The following IGF2 variants were observed in gnomAD, a reference collection of about 807,000 sequenced individuals.
IGF2 encodes the protein insulin-like growth factor 2.
Under a neutral mutation model 12.0 loss-of-function variants are expected in IGF2, and 2 were observed. That is an observed-to-expected ratio of 0.17 (90% CI 0.07 to 0.52). The LOEUF (loss-of-function observed/expected upper bound fraction) is 0.52. Among genes scored for constraint, IGF2 ranks in the 20% least tolerant of loss-of-function variants. The pLI is 0.95. For missense variants in IGF2, 211 were observed against 268.0 expected (o/e 0.79, Z 1.48); for synonymous variants, 105 against 110.1 (o/e 0.95, Z 0.29).
At position 2,132,070 on chromosome 11, in the gene IGF2, C is replaced by CTGTGCTCGTGTGTGTGT; in HGVS notation, c.*916_*917insACACACACACGAGCACA. The CTGTGCTCGTGTGTGTGT allele has an allele frequency of 5.0e-6, 1 of 200,530 alleles. No individual in the cohort carries two copies. Among genetic ancestry groups the CTGTGCTCGTGTGTGTGT allele is most frequent in the Non-Finnish European group, 1.0e-5 (1 of 99,192 alleles). The allele number at this position is 200,530 out of a possible 1,614,324, so 12.4% of individuals were successfully genotyped here. On this transcript the variant is annotated 3_prime_UTR_variant, in exon 4 of 4. Coordinates refer to ENST00000416167, the MANE Select transcript of IGF2 (RefSeq NM_000612.6). ...TGTGTGTGCTGTGCTCGTGTGTGTG[C>CTGTGCTCGTGTGTGTGT]TGTGTTCATGCGTGTGCTGTGTGTT...
chr11:2,130,300 G>A lies in IGF2; in HGVS notation c.*2687C>T. On this transcript the variant is annotated 3_prime_UTR_variant, in exon 4 of 4. Transcript: ENST00000416167. ...TCAGGACTTCTGGGGACCAGCCACT[G>A]TCCCCAGAAGCCAGGCCGGACAGTG... is the stretch of plus-strand genomic sequence containing the variant. 4.4e-6 allele frequency: 1 copy of A among 229,246 alleles called. No homozygotes were observed. The highest frequency in any genetic ancestry group is 8.6e-6 in the Non-Finnish European group (1 of 115,738). 14.2% of individuals were successfully genotyped at this position (229,246 alleles called of 1,614,324 possible). A position where few individuals can be genotyped will look rare whatever the true frequency, so the allele number is the denominator to read the frequency against.
At chr11:2,140,065 T>A, upstream of IGF2, 1 of 1,502,108 alleles carries the variant, frequency 6.7e-7, no homozygotes, top group Non-Finnish European at 9.1e-7. Flanking sequence ...TGGGCCAGGC[T>A]TGGAGCCTAC....
chr11:2,133,382 G>C lies in IGF2; in HGVS notation c.306+135C>G. 9.0e-7 allele frequency: 1 copy of C among 1,105,056 alleles called. No homozygotes were observed. The highest frequency in any genetic ancestry group is 1.3e-6 in the Non-Finnish European group (1 of 783,090). The allele number at this position is 1,105,056 out of a possible 1,614,324, so 68.5% of individuals were successfully genotyped here. Reference sequence around the variant, plus strand: ...AGGAGCCAGCGTCTGAGCTGCTCCCGGGCCACACAGCAAGCAAGGAAGTCA... The same window carrying C: ...AGGAGCCAGCGTCTGAGCTGCTCCCCGGCCACACAGCAAGCAAGGAAGTCA... On this transcript the variant is annotated intron_variant, in intron 3 of 3. Coordinates refer to ENST00000416167, the MANE Select transcript of IGF2 (RefSeq NM_000612.6). This position sits in a 1 kb window ranked among gnomAD's most constrained non-coding sequence, Gnocchi z 8.9.
chr11:2,145,553 C>T (rs557509046), upstream of IGF2, among the ~76,000 whole-genome samples: 2 of 152,336 alleles, frequency 1.3e-5, no homozygotes, highest in African/African-American at 4.8e-5. Flanking sequence ...TTTGGGGGTC[C>T]CTTCCCTTTG....
rs1858568570 is a variant in IGF2, at chr11:2,131,629, CTGTGTGCTGTGTTCATG to C, written c.*1341_*1357del. On this transcript the variant is annotated 3_prime_UTR_variant, in exon 4 of 4. Coordinates refer to ENST00000416167, the MANE Select transcript of IGF2 (RefSeq NM_000612.6). ...TGTGTGCTGTGTGTGCATGTGTGTG[CTGTGTGCTGTGTTCATG>C]TGTGTGCTGTGTGTGCGTGTGCTGT... is the stretch of plus-strand genomic sequence containing the variant. 1.1e-5 allele frequency: 2 copies of C among 187,458 alleles called. No homozygotes were observed. The highest frequency in any genetic ancestry group is 2.0e-5 in the Non-Finnish European group (2 of 101,744). 11.6% of individuals were successfully genotyped at this position (187,458 alleles called of 1,614,324 possible).
Position 2,133,625 on chromosome 11 carries a change from G to T in IGF2, c.198C>A (p.Ile66=). 6.2e-7 allele frequency: 1 copy of T among 1,613,068 alleles called. No individual in the cohort carries two copies. Among genetic ancestry groups the T allele is most frequent in the Non-Finnish European group, 8.5e-7 (1 of 1,180,010 alleles). ...ASRVSRRSRG[I]VEECCFRSCD... ...AGCTGCGGAAACAGCACTCCTCAAC[G>T]ATGCCACGGCTGCGACGGCTCACAC... The change falls in exon 3 of 4, where the codon ATC becomes ATA. Residue 66 remains isoleucine, a synonymous_variant. Coordinates refer to ENST00000416167, the MANE Select transcript of IGF2 (RefSeq NM_000612.6). This position sits in a 1 kb window ranked among gnomAD's most constrained non-coding sequence, Gnocchi z 8.9.
the IGF2 span, chr11:2,149,100 C>T: frequency 6.2e-7 from 1 of 1,600,750 alleles, no homozygotes; most frequent in Non-Finnish European, 8.6e-7. Flanking sequence ...TTTTCTCTCA[C>T]ACTCAAGGGA....
rs1858703437 is a variant in IGF2 at position 2,132,847 on chromosome 11, G to A, written c.*140C>T. On this transcript the variant is annotated 3_prime_UTR_variant, in exon 4 of 4. Coordinates refer to ENST00000416167, the MANE Select transcript of IGF2 (RefSeq NM_000612.6). Reference sequence around the variant, plus strand: ...AGAGTAGCCTGTTTCGGGGAGGCGGGGCACGGGGACTGGGTCAGGAGAAGC... The same window carrying A: ...AGAGTAGCCTGTTTCGGGGAGGCGGAGCACGGGGACTGGGTCAGGAGAAGC... The A allele has an allele frequency of 1.6e-6, 1 of 628,160 alleles. No homozygotes were observed. The highest frequency in any genetic ancestry group is 2.2e-5 in the South Asian group (1 of 46,262). 38.9% of individuals were successfully genotyped at this position (628,160 alleles called of 1,614,324 possible).
chr11:2,144,272 TC>T (rs1013839471), upstream of IGF2, among the ~76,000 whole-genome samples: 1 of 151,728 alleles, frequency 6.6e-6, no homozygotes, highest in Admixed American at 6.6e-5. Flanking sequence ...GTCCGCAGGC[TC>T]CCCCTCGCCA....
chr11:2,132,548 T>A lies in IGF2; in HGVS notation c.*439A>T, dbSNP rs999940613. On this transcript the variant is annotated 3_prime_UTR_variant, in exon 4 of 4. Transcript: ENST00000416167. ...TCTCAGCCAATTCGTTTTTAATACT[T>A]TTTTTTTTTAGCCAATTGATTTTTT... is the stretch of plus-strand genomic sequence containing the variant. 4.9e-6 allele frequency: 1 copy of A among 203,980 alleles called. No homozygotes were observed. The highest frequency in any genetic ancestry group is 9.9e-6 in the Non-Finnish European group (1 of 100,760). The allele number at this position is 203,980 out of a possible 1,614,324, so 12.6% of individuals were successfully genotyped here.
chr11:2,138,390 G>A lies in IGF2; in HGVS notation c.-168C>T, dbSNP rs137913580. The A allele has an allele frequency of 2.2e-5, 11 of 495,594 alleles. No homozygotes were observed. The highest frequency in any genetic ancestry group is 2.5e-5 in the Non-Finnish European group (10 of 394,652). 30.7% of individuals were successfully genotyped at this position (495,594 alleles called of 1,614,324 possible). ...AGAGCGGGGGGATGGCTTTTTTTTG[G>A]GGGGGGGGGGAGAATTCGTCTGATT... On this transcript the variant is annotated 5_prime_UTR_variant, in exon 1 of 4. Transcript: ENST00000416167.
At chr11:2,139,700 C>T (rs899541183), upstream of IGF2, among the ~76,000 whole-genome samples, 5 of 151,734 alleles carry the variant, frequency 3.3e-5, no homozygotes, top group Non-Finnish European at 7.4e-5. Context: ...GGGGCCCCAT[C>T]CCGGGTTTCT....
At chr11:2,144,245 C>T (rs879435382), upstream of IGF2, among the ~76,000 whole-genome samples, 1 of 152,188 alleles carries the variant, frequency 6.6e-6, no homozygotes, top group Non-Finnish European at 1.5e-5. Flanking sequence ...GATACCTGCT[C>T]GGTCCCCGCG....
In IGF2 at chr11:2,129,141, G is replaced by T. The variant is rs1166571667; in HGVS notation, c.*3846C>A. 2 of 183,620 alleles carry T rather than the reference G, an allele frequency of 1.1e-5. No homozygotes were observed. Among genetic ancestry groups the T allele is most frequent in the Non-Finnish European group, 1.2e-5 (1 of 86,288 alleles). 11.4% of individuals were successfully genotyped at this position (183,620 alleles called of 1,614,324 possible). ...ATCATGACTTTTAATGCTTTATTGG[G>T]ATTGCAAGCGTTACAAGGTTAAAGA... is the stretch of plus-strand genomic sequence containing the variant. On this transcript the variant is annotated 3_prime_UTR_variant, in exon 4 of 4. Transcript: ENST00000416167. The surrounding 1 kb of genome is among the most constrained non-coding windows in gnomAD (Gnocchi z 8.1).
At chr11:2,140,963 G>C, upstream of IGF2, 3 of 305,890 alleles carry the variant, frequency 9.8e-6, no homozygotes, top group South Asian at 7.3e-5. Context: ...CGAGACCCCG[G>C]GGCCAGTCCT....
At chr11:2,149,131 C>A in the IGF2 span, 4 of 1,613,208 alleles carry the variant, frequency 2.5e-6, no homozygotes, top group Non-Finnish European at 2.5e-6. Flanking sequence ...GTTACCTGTA[C>A]TCTAGTCCCT....
rs562000081 is a variant in IGF2 at position 2,129,571 on chromosome 11, G to A, written c.*3416C>T. The A allele has an allele frequency of 8.7e-6, 2 of 228,984 alleles. No individual in the cohort carries two copies. Among genetic ancestry groups the A allele is most frequent in the South Asian group, 3.7e-4 (2 of 5,468 alleles). The allele number at this position is 228,984 out of a possible 1,614,324, so 14.2% of individuals were successfully genotyped here. On this transcript the variant is annotated 3_prime_UTR_variant, in exon 4 of 4. Transcript: ENST00000416167. The surrounding 1 kb of genome is among the most constrained non-coding windows in gnomAD (Gnocchi z 8.1). Reference sequence around the variant, plus strand: ...GGCAGGTAATTTGGGGTGCCTCGAAGCGTTTTGGATCTCAGGCCAATGTGG... The same window carrying A: ...GGCAGGTAATTTGGGGTGCCTCGAAACGTTTTGGATCTCAGGCCAATGTGG...
At position 2,138,445 on chromosome 11, in the gene IGF2, G is replaced by T; in HGVS notation, c.-223C>A. 1.1e-6 allele frequency: 1 copy of T among 898,960 alleles called. No individual in the cohort carries two copies. The highest frequency in any genetic ancestry group is 1.2e-4 in the East Asian group (1 of 8,268). The allele number at this position is 898,960 out of a possible 1,614,324, so 55.7% of individuals were successfully genotyped here. On this transcript the variant is annotated 5_prime_UTR_variant, in exon 1 of 4. Transcript: ENST00000416167. ...AGGGAGGACGGGCTGTCTTCGGGCTGGGGCGGGCCAGATGTTGTACTTTTC... is the reference window on the plus strand; with the variant it reads ...AGGGAGGACGGGCTGTCTTCGGGCTTGGGCGGGCCAGATGTTGTACTTTTC...
At position 2,132,599 on chromosome 11, in the gene IGF2, A is replaced by G. The variant is rs1246408894; in HGVS notation, c.*388T>C. The G allele has an allele frequency of 2.7e-5, 4 of 149,654 alleles. No homozygotes were observed. Among genetic ancestry groups the G allele is most frequent in the Non-Finnish European group, 3.6e-5 (3 of 82,374 alleles). The allele number at this position is 149,654 out of a possible 1,614,324, so 9.3% of individuals were successfully genotyped here. A position where few individuals can be genotyped will look rare whatever the true frequency, so the allele number is the denominator to read the frequency against. On this transcript the variant is annotated 3_prime_UTR_variant, in exon 4 of 4. Transcript: ENST00000416167. ...TTGGTGGTTGTTTTTTTTAAAGCCA[A>G]TTTCTGAGCTTTTGTGGGGTGTTTC... is the stretch of plus-strand genomic sequence containing the variant.
Sources: allele counts gnomAD v4.1 joint callset (sites outside exome capture counted in the v4.1 genomes callset), GRCh38; gene constraint gnomAD v4.1.1; non-coding constraint Gnocchi (gnomAD v3.1); transcripts MANE v1.5; gene names NCBI Gene and HGNC (gene_info 2026-07-23, HGNC 2026-07-21).